Variants in KATNIP observed in about 807,000 individuals in gnomAD.
The protein encoded by KATNIP is katanin-interacting protein.
Under a neutral mutation model 174.0 loss-of-function variants are expected in KATNIP, and 126 were observed. The ratio of observed to expected loss-of-function variants is 0.72; its 90% CI spans 0.63 to 0.84. The LOEUF (loss-of-function observed/expected upper bound fraction) is 0.84. KATNIP is among the 40% of genes least tolerant of loss of function. The probability of loss-of-function intolerance (pLI) is 0.00; values close to 1 mark genes in which losing one functional copy is unlikely to be tolerated. For missense variants in KATNIP, 1,958 were observed against 2,109.7 expected (o/e 0.93, Z 1.41); for synonymous variants, 810 against 835.7 (o/e 0.97, Z 0.53).
intron 7 of KATNIP, among the ~76,000 whole-genome samples, chr16:27,680,419 G>T (rs2078288624): frequency 6.6e-6 from 1 of 152,150 alleles, no homozygotes; most frequent in African/African-American, 2.4e-5. Flanking sequence ...GTCATTCCTG[G>T]GTGTGAAGAA....
chr16:27,667,991 G>A (rs60653608), intron 6 of KATNIP, among the ~76,000 whole-genome samples: 5,042 of 152,232 alleles, frequency 0.033, 220 homozygotes, highest in African/African-American at 0.094. Context: ...GTAGAGTTAG[G>A]AGTTTAATGC....
At chr16:27,568,436 T>C (rs1290676762) in intron 1 of KATNIP, among the ~76,000 whole-genome samples, 2 of 152,140 alleles carry the variant, frequency 1.3e-5, no homozygotes, top group African/African-American at 4.8e-5. Flanking sequence ...GGATTACAGG[T>C]GTGAGCAACC....
rs2082244833 is a variant in KATNIP at position 27,769,978 on chromosome 16, G to T, written c.4093G>T (p.Asp1365Tyr). 1.2e-6 allele frequency: 2 copies of T among 1,614,104 alleles called. No homozygotes were observed. Among genetic ancestry groups the T allele is most frequent in the Admixed American group, 1.7e-5 (1 of 60,014 alleles). ...TTTTGCTCAAGAAATCCTCTTCGTG[G>T]ACTACCTACGGGCTCAGCTGCTGCC... ...FDFAQEILFV[D>Y]YLRAQLLPQP... is the part of the protein sequence containing the mutation. Residue 1365 changes from aspartate to tyrosine, a missense_variant, in exon 21 of 28, where the codon GAC becomes TAC. Asp to Tyr is a radical substitution (Grantham distance 160). Transcript: ENST00000261588.
intron 2 of KATNIP, among the ~76,000 whole-genome samples, chr16:27,587,870 CT>C (rs773020551): frequency 5.4e-4 from 80 of 147,080 alleles, no homozygotes; most frequent in African/African-American, 1.4e-3. Flanking sequence ...TTCTTTCTAG[CT>C]TTTTTTTTTC....
chr16:27,700,231 A>G (rs1158700248), intron 10 of KATNIP, among the ~76,000 whole-genome samples: 1 of 152,246 alleles, frequency 6.6e-6, no homozygotes, highest in Non-Finnish European at 1.5e-5. Context: ...ATTTATTGAC[A>G]AGACAATGCA....
intron 2 of KATNIP, among the ~76,000 whole-genome samples, chr16:27,595,171 G>C (rs186335641): frequency 1.3e-5 from 2 of 152,282 alleles, no homozygotes; most frequent in East Asian, 3.9e-4. Context: ...GATTGCATGA[G>C]ACCAGGAGTT....
intron 2 of KATNIP, among the ~76,000 whole-genome samples, chr16:27,613,350 A>G (rs767616546): frequency 6.6e-6 from 1 of 152,162 alleles, no homozygotes; most frequent in Non-Finnish European, 1.5e-5. Flanking sequence ...AGAAGTGGAG[A>G]TGGATGGAAG....
intron 6 of KATNIP, among the ~76,000 whole-genome samples, chr16:27,670,847 CAAAG>C (rs1225667489): frequency 6.6e-6 from 1 of 151,990 alleles, no homozygotes; most frequent in Non-Finnish European, 1.5e-5. Flanking sequence ...TTTTTAAAAA[CAAAG>C]AAGAAAAGGA....
intron 19 of KATNIP, among the ~76,000 whole-genome samples, chr16:27,763,621 A>C (rs1212398065): frequency 1.4e-5 from 2 of 141,064 alleles, no homozygotes; most frequent in East Asian, 4.0e-4. Flanking sequence ...TCTCAACACA[A>C]AAAAAAAAAA....
intron 14 of KATNIP, among the ~76,000 whole-genome samples, chr16:27,725,886 A>G (rs959894961): frequency 4.0e-5 from 6 of 151,872 alleles, no homozygotes; most frequent in Non-Finnish European, 8.8e-5. Context: ...TATATTTTAT[A>G]TACAGAAAGG....
intron 13 of KATNIP, among the ~76,000 whole-genome samples, chr16:27,720,974 T>G (rs964103045): frequency 5.3e-5 from 8 of 152,152 alleles, no homozygotes; most frequent in Non-Finnish European, 1.0e-4. Context: ...GGCGTCTCTG[T>G]TCACCTGCCC....
At chr16:27,673,868 G>T (rs772566638) in intron 6 of KATNIP, among the ~76,000 whole-genome samples, 1 of 152,174 alleles carries the variant, frequency 6.6e-6, no homozygotes, top group Non-Finnish European at 1.5e-5. Context: ...CACCTCCAAG[G>T]TACATGAGGG....
intron 2 of KATNIP, among the ~76,000 whole-genome samples, chr16:27,606,514 T>C (rs550905739): frequency 6.7e-6 from 1 of 149,686 alleles, no homozygotes; most frequent in East Asian, 2.0e-4. Flanking sequence ...CACACACACA[T>C]ACACACACAC....
intron 2 of KATNIP, among the ~76,000 whole-genome samples, chr16:27,603,478 A>C (rs2075599874): frequency 6.6e-6 from 1 of 152,182 alleles, no homozygotes; most frequent in African/African-American, 2.4e-5. Context: ...TAATTCTTAC[A>C]AAGGTGATTT....
chr16:27,775,238 A>AT (rs1567436109), intron 24 of KATNIP, among the ~76,000 whole-genome samples, 154 bp downstream of exon 24: 2 of 152,198 alleles, frequency 1.3e-5, no homozygotes, highest in African/African-American at 4.8e-5. Flanking sequence ...GTCTTTGCTA[A>AT]CTTGCCTGAT....
chr16:27,675,423 T>C (rs1291833309), intron 6 of KATNIP, among the ~76,000 whole-genome samples: 3 of 152,158 alleles, frequency 2.0e-5, no homozygotes, highest in African/African-American at 7.2e-5. Context: ...AGTCAAATCA[T>C]ATCAAAATTC....
chr16:27,586,139 T>C (rs1261328227), intron 2 of KATNIP, among the ~76,000 whole-genome samples: 1 of 152,052 alleles, frequency 6.6e-6, no homozygotes, highest in Non-Finnish European at 1.5e-5. Context: ...TATACTTGGG[T>C]TGTTTATAAA....
intron 20 of KATNIP, among the ~76,000 whole-genome samples, chr16:27,767,563 A>T (rs1597411311): frequency 1.3e-5 from 2 of 152,224 alleles, no homozygotes; most frequent in South Asian, 4.1e-4. Context: ...TCTACCAAAA[A>T]AATAGGCAGG....
At chr16:27,745,950 T>A (rs1004547818) in intron 15 of KATNIP, among the ~76,000 whole-genome samples, 1 of 141,262 alleles carries the variant, frequency 7.1e-6, no homozygotes, top group South Asian at 2.3e-4. Context: ...AAGGCTCAAC[T>A]CCTCTGCTTT....
Sources: gnomAD v4.1 joint callset for allele counts (sites outside exome capture counted in the v4.1 genomes callset) on GRCh38, gnomAD v4.1.1 for gene constraint, MANE v1.5 for transcripts, NCBI Gene and HGNC (gene_info 2026-07-23, HGNC 2026-07-21) for gene names.